The following MAGI2 variants were observed in gnomAD, a reference collection of about 807,000 sequenced individuals.
The protein encoded by MAGI2 is membrane associated guanylate kinase, WW and PDZ domain containing 2, also known as membrane-associated guanylate kinase, WW and PDZ domain-containing protein 2.
In MAGI2, 35 loss-of-function variants were observed where a neutral mutation model predicts 133.3. The observed-to-expected ratio is 0.26, with a 90% confidence interval of 0.20 to 0.35. The LOEUF is 0.35. Ranked by LOEUF, MAGI2 falls within the 10% of genes least tolerant of loss-of-function variation. The pLI is 1.00. For synonymous variants in MAGI2, 729 were observed against 710.6 expected, an observed-to-expected ratio of 1.03 and a Z score of -0.41; for missense variants, 1,636 against 1,863.4, an observed-to-expected ratio of 0.88 and a Z score of 2.25.
At chr7:79,059,153 T>C (rs1305818390) in intron 1 of MAGI2, among the ~76,000 whole-genome samples, 2 of 152,076 alleles carry the variant, frequency 1.3e-5, no homozygotes, top group African/African-American at 4.8e-5. Flanking sequence ...ATATTACAAA[T>C]AATACAGAAA....
chr7:78,334,586 C>A (rs901139629), intron 9 of MAGI2, among the ~76,000 whole-genome samples: 1 of 152,170 alleles, frequency 6.6e-6, no homozygotes, highest in Non-Finnish European at 1.5e-5. Flanking sequence ...ACAAACACCC[C>A]TTCAAAGCAG....
chr7:78,526,888 GTCCCAGCTAC>G (rs1796996888), intron 3 of MAGI2, among the ~76,000 whole-genome samples: 1 of 151,118 alleles, frequency 6.6e-6, no homozygotes, highest in Non-Finnish European at 1.5e-5. Flanking sequence ...TGTGCCTGTA[GTCCCAGCTAC>G]TAAGGAGGCT....
At chr7:78,696,127 A>C (rs1817490751) in intron 2 of MAGI2, among the ~76,000 whole-genome samples, 1 of 152,092 alleles carries the variant, frequency 6.6e-6, no homozygotes. Flanking sequence ...TTTTGTAGAA[A>C]GAGGGTCTTG....
At chr7:78,501,550 C>T (rs758957576) in intron 5 of MAGI2, 27 bp downstream of exon 5, 19 of 1,590,024 alleles carry the variant, frequency 1.2e-5, no homozygotes, top group Non-Finnish European at 1.6e-5. Context: ...CTTTTTGGCA[C>T]TGTTGAAAGA....
chr7:78,488,335 G>T (rs1051183328), intron 6 of MAGI2, among the ~76,000 whole-genome samples: 1 of 152,104 alleles, frequency 6.6e-6, no homozygotes, highest in South Asian at 2.1e-4. Context: ...TCTCTCTCAG[G>T]ATTTTAAAAT....
intron 1 of MAGI2, among the ~76,000 whole-genome samples, chr7:79,280,463 T>C (rs1322644280): frequency 6.6e-6 from 1 of 152,166 alleles, no homozygotes; most frequent in African/African-American, 2.4e-5. Context: ...AGGGAAAATA[T>C]AACAGATGAC....
chr7:78,184,883 A>T (rs1340085628), intron 13 of MAGI2, among the ~76,000 whole-genome samples: 1 of 152,160 alleles, frequency 6.6e-6, no homozygotes, highest in African/African-American at 2.4e-5. Flanking sequence ...GGCATGGTTT[A>T]AAAAAATTAA....
intron 2 of MAGI2, among the ~76,000 whole-genome samples, chr7:78,920,910 A>C (rs1431486601): frequency 6.6e-6 from 1 of 152,158 alleles, no homozygotes; most frequent in East Asian, 1.9e-4. Flanking sequence ...TACAAGACTT[A>C]ATTCCTTGAG....
At chr7:79,361,927 G>A (rs1253519112) in intron 1 of MAGI2, among the ~76,000 whole-genome samples, 6 of 152,108 alleles carry the variant, frequency 3.9e-5, no homozygotes, top group Non-Finnish European at 7.4e-5. Context: ...AGCTAAGGCA[G>A]TGATGAGAGA....
In MAGI2 at chr7:78,528,800, GATA is replaced by G. The variant is rs1404719604; in HGVS notation, c.539-7158_539-7156del. On this transcript the variant is annotated intron_variant, in intron 3 of 21. Coordinates refer to ENST00000354212, the MANE Select transcript of MAGI2 (RefSeq NM_012301.4). ...ATGCAGAAACTCCCTGACCTCGAAA[GATA>G]ATGTCTTTTTCTCTTGTGGTGAAAA... Among the ~76,000 whole-genome samples, 14 of 152,230 alleles carry G rather than the reference GATA, an allele frequency of 9.2e-5. No individual in the cohort carries two copies. The East Asian group carries it at 2.5e-3, about 27-fold the overall frequency.
At chr7:78,969,873 G>A (rs1391092952) in intron 2 of MAGI2, among the ~76,000 whole-genome samples, 1 of 151,878 alleles carries the variant, frequency 6.6e-6, no homozygotes, top group Admixed American at 6.6e-5. Context: ...TATTTTGCAC[G>A]TATGAATCCT....
At chr7:79,031,600 T>C (rs752683771) in intron 1 of MAGI2, among the ~76,000 whole-genome samples, 34 of 152,172 alleles carry the variant, frequency 2.2e-4, no homozygotes, top group Non-Finnish European at 4.0e-4. Flanking sequence ...GCCAACTCTT[T>C]ATAGTTCAGC....
intron 6 of MAGI2, among the ~76,000 whole-genome samples, chr7:78,390,649 T>G (rs1583850367): frequency 6.9e-6 from 1 of 144,698 alleles, no homozygotes; most frequent in African/African-American, 2.5e-5. Context: ...GGGTGGGGGG[T>G]GGAGGGGAAG....
chr7:78,997,604 T>TA (rs1806434508), intron 2 of MAGI2, among the ~76,000 whole-genome samples: 1 of 136,130 alleles, frequency 7.3e-6, no homozygotes, highest in Non-Finnish European at 1.6e-5. Flanking sequence ...TCCATCTCAA[T>TA]TAAAAAAAAA....
intron 6 of MAGI2, among the ~76,000 whole-genome samples, chr7:78,458,072 CAGAT>C (rs200549542): frequency 0.03 from 4,490 of 151,958 alleles, 96 homozygotes; most frequent in Middle Eastern, 0.075. Context: ...CTAAGGCGGG[CAGAT>C]CATGAGGTCA....
intron 18 of MAGI2, among the ~76,000 whole-genome samples, chr7:78,132,145 G>A (rs1262385194): frequency 6.6e-6 from 1 of 152,156 alleles, no homozygotes; most frequent in Non-Finnish European, 1.5e-5. Flanking sequence ...AAAGTGCTGG[G>A]ATTATAGGCG....
At chr7:78,699,911 C>A (rs1384834357) in intron 2 of MAGI2, among the ~76,000 whole-genome samples, 1 of 151,844 alleles carries the variant, frequency 6.6e-6, no homozygotes, top group Non-Finnish European at 1.5e-5. Flanking sequence ...CACATGGAAA[C>A]AAAATAATGT....
intron 2 of MAGI2, among the ~76,000 whole-genome samples, chr7:78,924,056 A>C (rs576379994): frequency 4.5e-4 from 69 of 151,984 alleles, no homozygotes; most frequent in African/African-American, 1.6e-3. Flanking sequence ...TATCCTGAGA[A>C]TTTGCTGAAG....
At chr7:78,251,479 T>C (rs1039858843) in intron 10 of MAGI2, 11 of 152,210 alleles carry the variant, frequency 7.2e-5, no homozygotes, top group Admixed American at 7.2e-4. Flanking sequence ...GAATATATTA[T>C]GGAGTCTACA....
Sources: gnomAD v4.1 joint callset for allele counts (sites outside exome capture counted in the v4.1 genomes callset) on GRCh38, gnomAD v4.1.1 for gene constraint, MANE v1.5 for transcripts, NCBI Gene and HGNC (gene_info 2026-07-23, HGNC 2026-07-21) for gene names.